Variants in SLIT2 observed in about 807,000 individuals in gnomAD.
SLIT2 encodes the protein slit guidance ligand 2, also known as slit homolog 2 protein.
SLIT2 carries 41 observed loss-of-function variants against 185.7 expected under a neutral mutation model. The observed-to-expected ratio is 0.22, with a 90% CI of 0.17 to 0.29. The LOEUF (loss-of-function observed/expected upper bound fraction) is 0.29. Among genes scored for constraint, SLIT2 ranks in the 10% least tolerant of loss-of-function variants. The pLI, the probability that SLIT2 is intolerant of heterozygous loss-of-function variation, is 1.00. For synonymous variants in SLIT2, 693 were observed against 680.2 expected, an observed-to-expected ratio of 1.02 and a Z score of -0.29; for missense variants, 1,571 against 1,909.0, an observed-to-expected ratio of 0.82 and a Z score of 3.30.
chr4:20,413,395 A>G (rs1189703013), intron 4 of SLIT2, among the ~76,000 whole-genome samples: 1 of 152,012 alleles, frequency 6.6e-6, no homozygotes, highest in Non-Finnish European at 1.5e-5. Context: ...CCAGGTGCAT[A>G]TGGAATTAAT....
Position 20,252,408 on chromosome 4 carries a change from TAGA to T in SLIT2, c.-1405_-1403del, listed in dbSNP as rs1426024265. Among the ~76,000 whole-genome samples, 1 of 152,004 alleles carries T rather than the reference TAGA, an allele frequency of 6.6e-6. No individual in the cohort carries two copies. Reference sequence around the variant, plus strand: ...AAAGCAGCGGGAGAGGGGAAGGGGCTAGAAGGAGAAGGACTACCCGGGACTGCG... The same window carrying T: ...AAAGCAGCGGGAGAGGGGAAGGGGCTAGGAGAAGGACTACCCGGGACTGCG... On this transcript the variant is annotated 5_prime_UTR_variant, in exon 1 of 37. Coordinates refer to ENST00000504154, the MANE Select transcript of SLIT2 (RefSeq NM_004787.4).
chr4:20,438,657 G>A (rs1231844434), intron 4 of SLIT2, among the ~76,000 whole-genome samples: 1 of 152,112 alleles, frequency 6.6e-6, no homozygotes, highest in Non-Finnish European at 1.5e-5. Context: ...GGCTCCCACA[G>A]TCTCCCTGAA....
At chr4:20,610,190 G>T (rs1301157681) in intron 34 of SLIT2, 23 bp downstream of exon 34, 2 of 1,603,846 alleles carry the variant, frequency 1.2e-6, no homozygotes, top group Non-Finnish European at 1.7e-6. Context: ...CCAAATTCAG[G>T]TGGTCCTGAA....
At chr4:20,526,744 T>A (rs948417924) in intron 15 of SLIT2, among the ~76,000 whole-genome samples, 2 of 152,218 alleles carry the variant, frequency 1.3e-5, no homozygotes, top group Admixed American at 6.5e-5. Context: ...ATAATTTAAT[T>A]TACATTCTTT....
intron 33 of SLIT2, among the ~76,000 whole-genome samples, chr4:20,601,348 G>A (rs1053229307): frequency 6.6e-6 from 1 of 152,132 alleles, no homozygotes; most frequent in Non-Finnish European, 1.5e-5. Flanking sequence ...GTGAGATTAC[G>A]GTAAGAATTG....
chr4:20,571,619 A>G (rs1725611794), intron 29 of SLIT2, among the ~76,000 whole-genome samples: 1 of 152,196 alleles, frequency 6.6e-6, no homozygotes. Context: ...GAATTTTCTT[A>G]TAATGTGATT....
At chr4:20,426,406 A>G (rs996600096) in intron 4 of SLIT2, among the ~76,000 whole-genome samples, 4 of 152,202 alleles carry the variant, frequency 2.6e-5, no homozygotes, top group African/African-American at 9.6e-5. Flanking sequence ...GGAGTTTTGT[A>G]TAAGAAAAGG....
chr4:20,450,582 A>AATTGCT (rs1248021210), intron 4 of SLIT2, among the ~76,000 whole-genome samples: 1 of 152,182 alleles, frequency 6.6e-6, no homozygotes, highest in Non-Finnish European at 1.5e-5. Context: ...TCTACTGAAA[A>AATTGCT]ACTTTACCTA....
At chr4:20,564,635 G>A (rs1314749942) in intron 26 of SLIT2, among the ~76,000 whole-genome samples, 1 of 151,856 alleles carries the variant, frequency 6.6e-6, no homozygotes, top group East Asian at 1.9e-4. Flanking sequence ...TACCATTTTG[G>A]TAAAGTTGGT....
chr4:20,325,387 A>C (rs10938796), intron 4 of SLIT2, among the ~76,000 whole-genome samples: 66,072 of 132,348 alleles, frequency 0.5, 17,230 homozygotes, highest in Middle Eastern at 0.62. Context: ...AACTCACCAC[A>C]ACATGTTGTA....
At chr4:20,388,355 G>A (rs1393611855) in intron 4 of SLIT2, among the ~76,000 whole-genome samples, 2 of 152,068 alleles carry the variant, frequency 1.3e-5, no homozygotes, top group African/African-American at 2.4e-5. Context: ...TCACAAATAA[G>A]AGCAAATAAG....
intron 4 of SLIT2, among the ~76,000 whole-genome samples, chr4:20,369,653 C>T (rs1427457704): frequency 1.3e-5 from 2 of 152,090 alleles, no homozygotes; most frequent in Non-Finnish European, 2.9e-5. Flanking sequence ...CACTGGGTCT[C>T]CTGCACAGAA....
At chr4:20,588,883 A>T (rs967907955) in intron 29 of SLIT2, among the ~76,000 whole-genome samples, 2 of 152,144 alleles carry the variant, frequency 1.3e-5, no homozygotes, top group African/African-American at 4.8e-5. Context: ...GAAAAAATAT[A>T]TGTTCCCTGT....
In SLIT2 at chr4:20,472,540, CTA is replaced by C. The variant is rs1560454969; in HGVS notation, c.467+4721_467+4722del. On this transcript the variant is annotated intron_variant, in intron 5 of 36. Transcript: ENST00000504154. ...GATATATATCTATATATAGATATAT[CTA>C]TATCTATATATAGATATATATCTAT... is the stretch of plus-strand genomic sequence containing the variant. 2.1e-4 allele frequency among the ~76,000 whole-genome samples: 2 copies of C among 9,494 alleles called. 1 individual carries two copies. Among genetic ancestry groups the C allele is most frequent in the Non-Finnish European group, 3.1e-4 (2 of 6,386 alleles). The allele number at this position is 9,494 out of a possible 152,430, so 6.2% of individuals were successfully genotyped here.
At chr4:20,602,415 T>G (rs1728479253) in intron 33 of SLIT2, among the ~76,000 whole-genome samples, 1 of 152,208 alleles carries the variant, frequency 6.6e-6, no homozygotes, top group Admixed American at 6.5e-5. Context: ...AATAAAGTAG[T>G]ATGCATATTT....
At chr4:20,441,504 C>T (rs1167944896) in intron 4 of SLIT2, among the ~76,000 whole-genome samples, 1 of 129,412 alleles carries the variant, frequency 7.7e-6, no homozygotes, top group African/African-American at 3.1e-5. Context: ...CTCTCTCTCG[C>T]CCCCCCCCAC....
intron 34 of SLIT2, among the ~76,000 whole-genome samples, chr4:20,612,599 G>A (rs1729307263): frequency 6.6e-6 from 1 of 152,060 alleles, no homozygotes; most frequent in Non-Finnish European, 1.5e-5. Flanking sequence ...GAAAAGGAGA[G>A]CAAGGTAACT....
At chr4:20,541,788 G>A (rs1722818631) in intron 20 of SLIT2, among the ~76,000 whole-genome samples, 169 bp downstream of exon 20, 1 of 152,130 alleles carries the variant, frequency 6.6e-6, no homozygotes, top group Admixed American at 6.5e-5. Flanking sequence ...TCTTAGACTT[G>A]CCTTCCACAT....
chr4:20,590,204 C>G (rs1002005483), intron 30 of SLIT2, among the ~76,000 whole-genome samples: 10 of 152,178 alleles, frequency 6.6e-5, no homozygotes, highest in African/African-American at 2.4e-4. Flanking sequence ...CGCGCCCAGC[C>G]CCAGACTTTT....
Sources: gnomAD v4.1 joint callset for allele counts (sites outside exome capture counted in the v4.1 genomes callset) on GRCh38, gnomAD v4.1.1 for gene constraint, MANE v1.5 for transcripts, NCBI Gene and HGNC (gene_info 2026-07-23, HGNC 2026-07-21) for gene names.